The following ITPRID1 variants were observed in gnomAD, a reference collection of about 807,000 sequenced individuals.
ITPRID1 encodes ITPR interacting domain containing 1.
Under a neutral mutation model 95.4 loss-of-function variants are expected in ITPRID1, and 96 were observed. The ratio of observed to expected loss-of-function variants is 1.01; its 90% CI spans 0.85 to 1.19. The LOEUF (loss-of-function observed/expected upper bound fraction) is 1.19, where lower values mean the gene tolerates loss of function less well. ITPRID1 is among the 50% of genes most tolerant of loss of function. The probability of loss-of-function intolerance (pLI) is 0.00; values close to 1 mark genes in which losing one functional copy is unlikely to be tolerated. For synonymous variants in ITPRID1, 510 were observed against 453.6 expected (o/e 1.12, Z -1.58); for missense variants, 1,339 against 1,252.9 (o/e 1.07, Z -1.04).
intron 1 of ITPRID1, among the ~76,000 whole-genome samples, chr7:31,543,834 A>G (rs1001987168): frequency 1.6e-4 from 24 of 152,072 alleles, no homozygotes; most frequent in African/African-American, 5.8e-4. Flanking sequence ...CTAAATATTC[A>G]TCACCAAATC....
At chr7:31,648,922 A>AT (rs1790718392) in intron 12 of ITPRID1, among the ~76,000 whole-genome samples, 1 of 152,236 alleles carries the variant, frequency 6.6e-6, no homozygotes, top group Non-Finnish European at 1.5e-5. Context: ...TTAACTAGCC[A>AT]TTCTATGTCA....
chr7:31,658,078 G>A (rs954684834), downstream of ITPRID1, among the ~76,000 whole-genome samples: 3 of 152,062 alleles, frequency 2.0e-5, no homozygotes, highest in African/African-American at 7.2e-5. Flanking sequence ...CCTTGATTTC[G>A]TTATGCATGA....
At chr7:31,593,492 G>C (rs937499168) in intron 10 of ITPRID1, among the ~76,000 whole-genome samples, 1 of 152,048 alleles carries the variant, frequency 6.6e-6, no homozygotes, top group African/African-American at 2.4e-5. Flanking sequence ...AAATATAAAA[G>C]CTCCACAAAA....
intron 10 of ITPRID1, among the ~76,000 whole-genome samples, chr7:31,634,905 A>G (rs1375604843): frequency 6.6e-6 from 1 of 152,170 alleles, no homozygotes; most frequent in East Asian, 1.9e-4. Context: ...GGAAAATGCC[A>G]CTGAGGGCAA....
intron 1 of ITPRID1, among the ~76,000 whole-genome samples, chr7:31,520,549 G>A (rs1298417151): frequency 8.7e-6 from 1 of 114,846 alleles, no homozygotes; most frequent in Non-Finnish European, 1.7e-5. Flanking sequence ...GTGTGTGTGT[G>A]TGTGTGTGTG....
chr7:31,533,272 C>G (rs539686221), intron 1 of ITPRID1, among the ~76,000 whole-genome samples: 4 of 152,156 alleles, frequency 2.6e-5, no homozygotes, highest in African/African-American at 9.6e-5. Flanking sequence ...GTCAGTTTAT[C>G]TCTTTGTCAA....
At chr7:31,658,353 A>G, downstream of ITPRID1, 1 of 1,521,674 alleles carries the variant, frequency 6.6e-7, no homozygotes. Context: ...AAATAAAATC[A>G]AAAGACTTTC....
intron 10 of ITPRID1, among the ~76,000 whole-genome samples, chr7:31,638,060 G>A (rs1235746285): frequency 6.6e-6 from 1 of 152,066 alleles, no homozygotes; most frequent in Non-Finnish European, 1.5e-5. Context: ...TAAGCAGAGG[G>A]GCTCCCACCA....
At chr7:31,582,038 A>G (rs1216703869) in intron 9 of ITPRID1, among the ~76,000 whole-genome samples, 1 of 152,222 alleles carries the variant, frequency 6.6e-6, no homozygotes, top group Non-Finnish European at 1.5e-5. Context: ...TGTGTACCAC[A>G]ATGTTTAAAA....
chr7:31,614,474 G>A (rs2128166260), intron 10 of ITPRID1, among the ~76,000 whole-genome samples: 1 of 152,172 alleles, frequency 6.6e-6, no homozygotes, highest in Admixed American at 6.5e-5. Context: ...CTTGAAGTAA[G>A]ACAGAAAAAG....
At chr7:31,524,543 G>A (rs1435210287) in intron 1 of ITPRID1, among the ~76,000 whole-genome samples, 1 of 152,150 alleles carries the variant, frequency 6.6e-6, no homozygotes, top group Non-Finnish European at 1.5e-5. Context: ...GAATTAACAT[G>A]TTCATTGTTA....
Position 31,655,664 on chromosome 7 carries a change from C to A in ITPRID1, c.*2835C>A. 1.1e-6 allele frequency: 1 copy of A among 882,962 alleles called. No homozygotes were observed. The highest frequency in any genetic ancestry group is 1.4e-6 in the Non-Finnish European group (1 of 736,186). 54.7% of individuals were successfully genotyped at this position (882,962 alleles called of 1,614,324 possible). On this transcript the variant is annotated 3_prime_UTR_variant, in exon 15 of 15. Transcript: ENST00000615280. ...CTGCATCATCCCTTTTTGCCACATC[C>A]CCATCTTGGCTCCTATATCATGGCT...
At chr7:31,604,013 T>G (rs1008553777) in intron 10 of ITPRID1, among the ~76,000 whole-genome samples, 3 of 152,166 alleles carry the variant, frequency 2.0e-5, no homozygotes, top group Admixed American at 2.0e-4. Flanking sequence ...CATTTTGCCT[T>G]GTATTATAAT....
chr7:31,629,793 C>T (rs1300376332), intron 10 of ITPRID1, among the ~76,000 whole-genome samples: 1 of 152,116 alleles, frequency 6.6e-6, no homozygotes, highest in East Asian at 1.9e-4. Flanking sequence ...TGAAGCAACA[C>T]TTCAGATAAG....
intron 10 of ITPRID1, among the ~76,000 whole-genome samples, chr7:31,616,284 A>T (rs985891575): frequency 6.6e-6 from 1 of 152,146 alleles, no homozygotes; most frequent in East Asian, 1.9e-4. Flanking sequence ...TCTCTAAAAA[A>T]TTATTGTATT....
At chr7:31,617,294 T>C (rs1238216013) in intron 10 of ITPRID1, among the ~76,000 whole-genome samples, 2 of 151,914 alleles carry the variant, frequency 1.3e-5, no homozygotes, top group African/African-American at 2.4e-5. Flanking sequence ...TTAATATAAA[T>C]GGGTTTCTCA....
chr7:31,553,298 A>G (rs1784346268), intron 3 of ITPRID1, 111 bp downstream of exon 3: 2 of 990,476 alleles, frequency 2.0e-6, no homozygotes, highest in African/African-American at 1.6e-5. Context: ...TTGGCTTTGA[A>G]TATACCAGTG....
intron 10 of ITPRID1, among the ~76,000 whole-genome samples, chr7:31,622,421 T>G (rs1418219000): frequency 1.3e-5 from 2 of 151,710 alleles, no homozygotes; most frequent in Non-Finnish European, 2.9e-5. Context: ...CAGACCACAG[T>G]GCAATCAAAC....
chr7:31,519,222 GAAAT>G (rs779841566), intron 1 of ITPRID1, among the ~76,000 whole-genome samples: 1 of 152,108 alleles, frequency 6.6e-6, no homozygotes, highest in East Asian at 1.9e-4. Context: ...GGAAGATAGA[GAAAT>G]AACATACGTG....
Sources: gnomAD v4.1 joint callset for allele counts (sites outside exome capture counted in the v4.1 genomes callset) on GRCh38, gnomAD v4.1.1 for gene constraint, MANE v1.5 for transcripts, NCBI Gene and HGNC (gene_info 2026-07-23, HGNC 2026-07-21) for gene names.